The following CD247 variants were observed in gnomAD, a reference collection of about 807,000 sequenced individuals.
CD247 encodes CD247 molecule.
CD247 carries 13 observed loss-of-function variants against 30.0 expected under a neutral mutation model. That is an observed-to-expected ratio of 0.43 (90% confidence interval 0.28 to 0.69). The LOEUF (loss-of-function observed/expected upper bound fraction) is 0.69, where lower values mean the gene tolerates loss of function less well. Ranked by LOEUF, CD247 falls within the 30% of genes least tolerant of loss-of-function variation. The pLI, the probability that CD247 is intolerant of heterozygous loss-of-function variation, is 0.16. For missense variants in CD247, 193 were observed against 212.6 expected (o/e 0.91, Z 0.57); for synonymous variants, 72 against 80.0 (o/e 0.90, Z 0.53).
At chr1:167,486,753 C>T (rs997589075) in intron 1 of CD247, among the ~76,000 whole-genome samples, 3 of 152,230 alleles carry the variant, frequency 2.0e-5, no homozygotes, top group Admixed American at 2.0e-4. Flanking sequence ...CTGCAAGCTG[C>T]TCTGATACCT....
At chr1:167,444,889 C>A (rs1247552740) in intron 1 of CD247, among the ~76,000 whole-genome samples, 1 of 152,092 alleles carries the variant, frequency 6.6e-6, no homozygotes, top group Non-Finnish European at 1.5e-5. Flanking sequence ...GATAACAACA[C>A]TACCTGTCTC....
At position 167,436,902 on chromosome 1, in the gene CD247, A is replaced by G. The variant is rs77604549; in HGVS notation, c.301-1468T>C. 3.0e-3 allele frequency among the ~76,000 whole-genome samples: 459 copies of G among 152,286 alleles called. 1 individual carries two copies. Among genetic ancestry groups the G allele is most frequent in the African/African-American group, 0.01 (433 of 41,548 alleles). On this transcript the variant is annotated intron_variant, in intron 4 of 7. Transcript: ENST00000362089. Reference sequence around the variant, plus strand: ...GGGAATGTAAATTAATACAACCATTATGGAAAACAGTATTGAGGCTCCACA... The same window carrying G: ...GGGAATGTAAATTAATACAACCATTGTGGAAAACAGTATTGAGGCTCCACA...
intron 1 of CD247, chr1:167,458,578 T>A: frequency 6.6e-6 from 1 of 152,210 alleles, no homozygotes. Context: ...GAACTTTTAC[T>A]CATCTTTCAA....
chr1:167,437,400 T>G (rs1443656697), intron 4 of CD247, among the ~76,000 whole-genome samples: 1 of 78,504 alleles, frequency 1.3e-5, no homozygotes, highest in Non-Finnish European at 2.7e-5. Flanking sequence ...AGCTAAACGC[T>G]GTCTCAAAAA....
chr1:167,438,051 G>T (rs926549562), intron 4 of CD247, among the ~76,000 whole-genome samples: 26 of 148,334 alleles, frequency 1.8e-4, no homozygotes, highest in African/African-American at 6.7e-4. Context: ...AGGAAGGAAG[G>T]AAATCAGAAT....
chr1:167,466,884 G>A (rs1288780548), intron 1 of CD247, among the ~76,000 whole-genome samples: 1 of 150,936 alleles, frequency 6.6e-6, no homozygotes, highest in African/African-American at 2.5e-5. Context: ...CTGTCGCCCA[G>A]GCTGGAGTGC....
chr1:167,437,912 A>C (rs1651623727), intron 4 of CD247, among the ~76,000 whole-genome samples: 1 of 152,212 alleles, frequency 6.6e-6, no homozygotes, highest in South Asian at 2.1e-4. Flanking sequence ...TAAATATGTT[A>C]ATTAGCTTAA....
chr1:167,434,692 C>T, intron 5 of CD247: 1 of 428,202 alleles, frequency 2.3e-6, no homozygotes, highest in Non-Finnish European at 4.7e-6. Context: ...CTTGACCTTG[C>T]TGTGTCCCCC....
intron 2 of CD247, 32 bp downstream of exon 2, chr1:167,440,632 G>C (rs138636554): frequency 1.8e-5 from 27 of 1,462,218 alleles, no homozygotes; most frequent in Non-Finnish European, 2.3e-5. Flanking sequence ...GGGGGACCCC[G>C]TGCCCTCCTC....
In CD247 at chr1:167,440,747, G is replaced by T; in HGVS notation, c.79C>A (p.Leu27Met). ...AGCAGGTAGCAGAGTTTGGGATCCA[G>T]CAGGCCAAAGCTCTGTGCCTCTGTG... ...PITEAQSFGL[L>M]DPKLCYLLDG... The change falls in exon 2 of 8, where the codon CTG becomes ATG. Residue 27 changes from leucine to methionine, a missense_variant. Leu to Met is a conservative substitution (Grantham distance 15, BLOSUM62 2). Transcript: ENST00000362089. 1 of 1,612,872 alleles carries T rather than the reference G, an allele frequency of 6.2e-7. No individual in the cohort carries two copies.
At chr1:167,497,467 G>A (rs1278197117) in intron 1 of CD247, among the ~76,000 whole-genome samples, 2 of 152,114 alleles carry the variant, frequency 1.3e-5, no homozygotes, top group African/African-American at 4.8e-5. Flanking sequence ...CTGACTACAG[G>A]TCCTCTTTCG....
At chr1:167,461,624 C>A (rs981313738) in intron 1 of CD247, among the ~76,000 whole-genome samples, 3 of 152,090 alleles carry the variant, frequency 2.0e-5, no homozygotes, top group African/African-American at 7.2e-5. Context: ...CCCAGGCGGG[C>A]GGATCACAAG....
intron 4 of CD247, among the ~76,000 whole-genome samples, chr1:167,436,983 C>A (rs1270414833): frequency 1.3e-5 from 2 of 152,142 alleles, no homozygotes; most frequent in Non-Finnish European, 2.9e-5. Context: ...TGGGTATTTA[C>A]CCAAAAGATT....
intron 1 of CD247, among the ~76,000 whole-genome samples, chr1:167,483,236 G>A (rs1241136291): frequency 2.0e-5 from 3 of 151,954 alleles, no homozygotes; most frequent in East Asian, 1.9e-4. Flanking sequence ...TCAAACTCCC[G>A]ACCTCGGGTG....
intron 1 of CD247, among the ~76,000 whole-genome samples, chr1:167,472,248 T>C (rs1034622203): frequency 6.6e-6 from 1 of 152,228 alleles, no homozygotes; most frequent in Non-Finnish European, 1.5e-5. Context: ...CTTTGGCACA[T>C]AGAAGTTGAA....
rs985025580 is a variant in CD247 at position 167,497,942 on chromosome 1, G to A, written c.58+20466C>T. Among the ~76,000 whole-genome samples the A allele has an allele frequency of 2.0e-5, 3 of 152,168 alleles. No individual in the cohort carries two copies. The South Asian group carries it at 6.2e-4, about 32-fold the overall frequency. On this transcript the variant is annotated intron_variant, in intron 1 of 7. Coordinates refer to ENST00000362089, the MANE Select transcript of CD247 (RefSeq NM_198053.3). ...GGAGAAGAAAAAAGATGCCAAAAAA[G>A]CCTCCTTTACGGCTTGACCTCGGAC... is the stretch of plus-strand genomic sequence containing the variant.
intron 1 of CD247, among the ~76,000 whole-genome samples, chr1:167,471,162 C>T (rs1229505909): frequency 1.3e-5 from 2 of 152,092 alleles, no homozygotes; most frequent in East Asian, 1.9e-4. Context: ...TGAGCCACTG[C>T]GCTCAGCGTG....
intron 1 of CD247, among the ~76,000 whole-genome samples, chr1:167,505,423 G>C (rs1655075014): frequency 6.6e-6 from 1 of 152,220 alleles, no homozygotes; most frequent in African/African-American, 2.4e-5. Flanking sequence ...AAATTTACTT[G>C]TATGTGTTTG....
intron 2 of CD247, chr1:167,439,714 C>T: frequency 2.4e-6 from 1 of 419,224 alleles, no homozygotes; most frequent in South Asian, 2.5e-5. Flanking sequence ...GGTCTGCGCC[C>T]CCGGGGACAT....
Sources: gnomAD v4.1 joint callset for allele counts (sites outside exome capture counted in the v4.1 genomes callset) on GRCh38, gnomAD v4.1.1 for gene constraint, MANE v1.5 for transcripts, NCBI Gene and HGNC (gene_info 2026-07-23, HGNC 2026-07-21) for gene names.